The following TNRC6C variants were observed in gnomAD, a reference collection of about 807,000 sequenced individuals.
The protein encoded by TNRC6C is trinucleotide repeat containing adaptor 6C.
A neutral mutation model predicts 153.7 loss-of-function variants in TNRC6C; 20 were observed. The ratio of observed to expected loss-of-function variants is 0.13; its 90% CI spans 0.09 to 0.19. TNRC6C has a LOEUF of 0.19. TNRC6C is among the 10% of genes least tolerant of loss of function. The pLI is 1.00. For synonymous variants in TNRC6C, 811 were observed against 841.4 expected (o/e 0.96, Z 0.63); for missense variants, 1,987 against 2,172.0 (o/e 0.91, Z 1.69).
intron 16 of TNRC6C, 100 bp downstream of exon 19, chr17:78,097,961 C>A: frequency 9.7e-7 from 1 of 1,034,068 alleles, no homozygotes; most frequent in Non-Finnish European, 1.4e-6. Flanking sequence ...TTTACTCACT[C>A]CCTGAGCTGG....
At chr17:78,097,892 G>A in intron 16 of TNRC6C, 31 bp downstream of exon 19, 2 of 1,467,912 alleles carry the variant, frequency 1.4e-6, no homozygotes, top group African/African-American at 2.8e-5. Context: ...CTTGCAGGTA[G>A]CATTTTCTTT....
At chr17:77,959,578 G>C (rs868649499) in intron 1 of TNRC6C, among the ~76,000 whole-genome samples, 2 of 152,152 alleles carry the variant, frequency 1.3e-5, no homozygotes, top group African/African-American at 4.8e-5. Flanking sequence ...GTGAAATTCG[G>C]TCCTTTCCGG....
chr17:78,051,652 A>G (rs774439851), intron 3 of TNRC6C, among the ~76,000 whole-genome samples: 4 of 152,208 alleles, frequency 2.6e-5, no homozygotes, highest in African/African-American at 4.8e-5. Context: ...TTTCTATTCA[A>G]GAAAAAAATA....
intron 2 of TNRC6C, among the ~76,000 whole-genome samples, chr17:78,047,796 TA>T (rs1414920443): frequency 2.0e-5 from 3 of 152,226 alleles, no homozygotes; most frequent in Non-Finnish European, 2.9e-5. Context: ...TGGGTTAAAT[TA>T]TTTTTTTAAC....
chr17:78,016,034 T>C (rs1267677292), intron 1 of TNRC6C, among the ~76,000 whole-genome samples: 1 of 152,218 alleles, frequency 6.6e-6, no homozygotes, highest in East Asian at 1.9e-4. Context: ...TATGGAGGAC[T>C]GGGTGCGTAT....
chr17:78,000,916 C>T (rs2143150870), upstream of TNRC6C, among the ~76,000 whole-genome samples: 1 of 152,232 alleles, frequency 6.6e-6, no homozygotes, highest in South Asian at 2.1e-4. Context: ...TCTCAGTCTA[C>T]CTACATAATT....
chr17:78,084,559 C>T (rs986584436), intron 11 of TNRC6C, among the ~76,000 whole-genome samples: 1 of 151,614 alleles, frequency 6.6e-6, no homozygotes, highest in Non-Finnish European at 1.5e-5. Flanking sequence ...AAGCACAGAG[C>T]TCTAGACATG....
intron 10 of TNRC6C, among the ~76,000 whole-genome samples, chr17:78,081,387 C>G (rs910214202): frequency 6.6e-6 from 1 of 152,078 alleles, no homozygotes; most frequent in Non-Finnish European, 1.5e-5. Flanking sequence ...TGTAATTGTT[C>G]AAACCCAGGT....
intron 13 of TNRC6C, among the ~76,000 whole-genome samples, chr17:78,089,919 T>A (rs1156358925): frequency 1.3e-5 from 2 of 152,206 alleles, no homozygotes; most frequent in Non-Finnish European, 2.9e-5. Context: ...TAGCTGACTT[T>A]CCCAGAGGGG....
intron 4 of TNRC6C, among the ~76,000 whole-genome samples, chr17:78,067,473 T>G (rs1042779727): frequency 1.4e-4 from 21 of 152,374 alleles, no homozygotes; most frequent in African/African-American, 5.0e-4. Flanking sequence ...GGATTTGTTC[T>G]TAGCATGTTT....
chr17:78,097,929 C>A, intron 16 of TNRC6C, 68 bp downstream of exon 19: 3 of 1,270,490 alleles, frequency 2.4e-6, no homozygotes, highest in Non-Finnish European at 3.2e-6. Flanking sequence ...CTTTGACAGG[C>A]CCCAGCTTTT....
At chr17:77,978,412 A>G (rs2071031855) in intron 1 of TNRC6C, among the ~76,000 whole-genome samples, 1 of 152,200 alleles carries the variant, frequency 6.6e-6, no homozygotes, top group Non-Finnish European at 1.5e-5. Context: ...GCTTCTGGCT[A>G]AGACAGACTA....
intron 7 of TNRC6C, among the ~76,000 whole-genome samples, chr17:78,073,488 C>G (rs1466117174): frequency 6.6e-6 from 1 of 152,194 alleles, no homozygotes; most frequent in African/African-American, 2.4e-5. Flanking sequence ...GGCTGAGCAC[C>G]AACTGTTGTT....
intron 1 of TNRC6C, among the ~76,000 whole-genome samples, chr17:78,023,578 A>T (rs1310771972): frequency 6.7e-6 from 1 of 148,632 alleles, no homozygotes; most frequent in Non-Finnish European, 1.5e-5. Flanking sequence ...GCTGAGGTGG[A>T]TAGACTGCTT....
chr17:78,033,143 C>T (rs1437808953), intron 2 of TNRC6C, among the ~76,000 whole-genome samples: 2 of 152,116 alleles, frequency 1.3e-5, no homozygotes, highest in African/African-American at 4.8e-5. Flanking sequence ...AATGTAACAG[C>T]CCTGCCTGTT....
chr17:78,064,616 A>G, intron 3 of TNRC6C, 106 bp from the exon 6 acceptor site: 2 of 1,087,336 alleles, frequency 1.8e-6, no homozygotes, highest in African/African-American at 3.2e-5. Context: ...GGCTATTCTA[A>G]GGATAGATTA....
At chr17:77,977,957 G>T (rs143596305) in intron 1 of TNRC6C, among the ~76,000 whole-genome samples, 8 of 146,476 alleles carry the variant, frequency 5.5e-5, no homozygotes, top group African/African-American at 1.5e-4. Context: ...GTGCAGTGGC[G>T]CAATCTCGGC....
At chr17:77,978,795 C>T (rs1484080746) in intron 1 of TNRC6C, among the ~76,000 whole-genome samples, 1 of 152,094 alleles carries the variant, frequency 6.6e-6, no homozygotes, top group Non-Finnish European at 1.5e-5. Context: ...AACTTTTTAC[C>T]CTAGGTGTAT....
intron 1 of TNRC6C, among the ~76,000 whole-genome samples, chr17:78,028,066 T>G (rs2071979326): frequency 6.6e-6 from 1 of 152,048 alleles, no homozygotes; most frequent in African/African-American, 2.4e-5. Flanking sequence ...CGGCTAATTT[T>G]TTTTTGTATT....
Sources: allele counts gnomAD v4.1 joint callset (sites outside exome capture counted in the v4.1 genomes callset), GRCh38; gene constraint gnomAD v4.1.1; transcripts MANE v1.5; gene names NCBI Gene and HGNC (gene_info 2026-07-23, HGNC 2026-07-21).